Variants in VPS8 observed in about 807,000 individuals in gnomAD.
VPS8 encodes the protein VPS8 subunit of CORVET complex, also known as vacuolar protein sorting-associated protein 8 homolog.
A neutral mutation model predicts 216.4 loss-of-function variants in VPS8; 129 were observed. That is an observed-to-expected ratio of 0.60 (90% confidence interval 0.52 to 0.69). VPS8 has a LOEUF of 0.69. Among genes scored for constraint, VPS8 ranks in the 30% least tolerant of loss-of-function variants. VPS8 has a pLI of 0.00. For synonymous variants in VPS8, 571 were observed against 565.4 expected (o/e 1.01, Z -0.14); for missense variants, 1,531 against 1,683.5 (o/e 0.91, Z 1.59).
intron 46 of VPS8, among the ~76,000 whole-genome samples, chr3:185,042,415 C>T (rs920439826): frequency 4.6e-5 from 7 of 152,068 alleles, no homozygotes; most frequent in South Asian, 2.1e-4. Flanking sequence ...AAAAGGAAAA[C>T]GTAATTATGG....
chr3:184,958,636 G>A lies in VPS8; in HGVS notation c.3183+1115G>A, dbSNP rs1287987547. Among the ~76,000 whole-genome samples, 4 of 152,148 alleles carry A rather than the reference G, an allele frequency of 2.6e-5. No individual in the cohort carries two copies. The South Asian group carries it at 6.2e-4, about 24-fold the overall frequency. ...TCAAGTTGTCTAGCTTTAGTGTGCA[G>A]AGCTTCAGGAAAAGCAGTTTTAATT... On this transcript the variant is annotated intron_variant, in intron 37 of 47. Coordinates refer to ENST00000625842, the MANE Select transcript of VPS8 (RefSeq NM_001009921.3).
chr3:184,818,091 G>A (rs889711308), intron 1 of VPS8, among the ~76,000 whole-genome samples: 3 of 152,028 alleles, frequency 2.0e-5, no homozygotes, highest in African/African-American at 7.3e-5. Context: ...AAGGGAAAGT[G>A]GAAGCTATTC....
At chr3:185,048,598 T>A in intron 47 of VPS8, 39 bp downstream of exon 47, 1 of 1,608,190 alleles carries the variant, frequency 6.2e-7, no homozygotes, top group Non-Finnish European at 8.5e-7. Flanking sequence ...TATTTCCCTA[T>A]TTATAGTTTA....
intron 22 of VPS8, among the ~76,000 whole-genome samples, chr3:184,886,639 G>C (rs1208236842): frequency 6.6e-6 from 1 of 151,624 alleles, no homozygotes; most frequent in African/African-American, 2.4e-5. Context: ...GAGTGCAATG[G>C]TGCGATCTCA....
intron 5 of VPS8, among the ~76,000 whole-genome samples, chr3:184,835,970 AAGTGCT>A (rs1721008356): frequency 6.6e-6 from 1 of 151,994 alleles, no homozygotes; most frequent in Non-Finnish European, 1.5e-5. Context: ...CAGCCTCCCA[AAGTGCT>A]AGGATTACAG....
intron 36 of VPS8, among the ~76,000 whole-genome samples, chr3:184,952,185 G>T (rs949442805): frequency 6.6e-6 from 1 of 152,200 alleles, no homozygotes; most frequent in Non-Finnish European, 1.5e-5. Context: ...TGAATGTGGG[G>T]AAACATTGGT....
chr3:184,850,595 A>T (rs1316041483), intron 10 of VPS8, among the ~76,000 whole-genome samples: 1 of 152,248 alleles, frequency 6.6e-6, no homozygotes, highest in African/African-American at 2.4e-5. Flanking sequence ...GGCCTGAAAA[A>T]ATAAACTGAC....
At chr3:184,976,372 C>T (rs1234475803) in intron 40 of VPS8, among the ~76,000 whole-genome samples, 1 of 151,408 alleles carries the variant, frequency 6.6e-6, no homozygotes, top group Non-Finnish European at 1.5e-5. Context: ...GATTGGCAGC[C>T]TGTATTTGGA....
chr3:184,814,852 T>C (rs566976388), intron 1 of VPS8, among the ~76,000 whole-genome samples: 3 of 152,388 alleles, frequency 2.0e-5, no homozygotes, highest in African/African-American at 7.2e-5. Context: ...TAATGTAACT[T>C]TTATGTTATA....
chr3:184,897,003 A>G (rs930511165), intron 23 of VPS8, among the ~76,000 whole-genome samples: 5 of 152,234 alleles, frequency 3.3e-5, no homozygotes, highest in African/African-American at 1.2e-4. Flanking sequence ...TTAAAAAAAA[A>G]GGATTTTTGT....
At chr3:184,868,329 G>A (rs1560456676) in intron 18 of VPS8, 4 of 370,076 alleles carry the variant, frequency 1.1e-5, no homozygotes, top group African/African-American at 2.1e-5. Context: ...TAGGTGGTCC[G>A]CAGCTCTTGT....
intron 46 of VPS8, among the ~76,000 whole-genome samples, chr3:185,025,188 G>A (rs977362203): frequency 1.3e-5 from 2 of 152,108 alleles, no homozygotes; most frequent in African/African-American, 2.4e-5. Context: ...TATGACTGAC[G>A]GTTTTACACC....
At chr3:185,005,980 G>C (rs1181875923) in intron 45 of VPS8, among the ~76,000 whole-genome samples, 1 of 135,216 alleles carries the variant, frequency 7.4e-6, no homozygotes, top group African/African-American at 2.8e-5. Context: ...CAGTTCTCAG[G>C]GGAAACCATT....
chr3:184,925,575 T>G (rs1238220714), intron 30 of VPS8, among the ~76,000 whole-genome samples: 1 of 152,150 alleles, frequency 6.6e-6, no homozygotes, highest in Non-Finnish European at 1.5e-5. Flanking sequence ...CTGGAGAGAT[T>G]AAGTAATTCA....
At chr3:185,003,132 T>C (rs1350035271) in intron 45 of VPS8, among the ~76,000 whole-genome samples, 2 of 131,852 alleles carry the variant, frequency 1.5e-5, no homozygotes, top group African/African-American at 5.6e-5. Context: ...ATTTTTATTT[T>C]TATTTTTATT....
chr3:184,996,482 G>A lies in VPS8; in HGVS notation c.3817G>A (p.Asp1273Asn), dbSNP rs1336889194. 1.2e-6 allele frequency: 2 copies of A among 1,606,422 alleles called. No homozygotes were observed. The highest frequency in any genetic ancestry group is 1.7e-5 in the Admixed American group (1 of 57,996). The change falls in exon 44 of 48, where the codon GAT becomes AAT. Residue 1273 changes from aspartate (D) to asparagine (N), a missense_variant. Physicochemically the swap from Asp to Asn is conservative, Grantham distance 23. Coordinates refer to ENST00000625842, the MANE Select transcript of VPS8 (RefSeq NM_001009921.3). ...QQYKRRQEMADEIIVFSCGHL... is the reference protein window; with the variant it reads ...QQYKRRQEMANEIIVFSCGHL... ...GTACAAGAGACGCCAAGAAATGGCTGATGAAATAATTGTCTTTAGGTAAGA... is the reference window on the plus strand; with the variant it reads ...GTACAAGAGACGCCAAGAAATGGCTAATGAAATAATTGTCTTTAGGTAAGA...
intron 36 of VPS8, among the ~76,000 whole-genome samples, chr3:184,949,074 G>A (rs527441698): frequency 2.2e-4 from 34 of 152,316 alleles, no homozygotes; most frequent in African/African-American, 8.2e-4. Flanking sequence ...AGGAGGCTGA[G>A]ATGGGTAGAT....
intron 22 of VPS8, among the ~76,000 whole-genome samples, chr3:184,888,974 A>G (rs183241281): frequency 2.2e-4 from 33 of 152,326 alleles, no homozygotes; most frequent in Middle Eastern, 3.4e-3. Context: ...AACAGTTGTA[A>G]GATGAAAGAT....
intron 21 of VPS8, among the ~76,000 whole-genome samples, chr3:184,882,698 A>G (rs1019835015): frequency 6.6e-6 from 1 of 152,086 alleles, no homozygotes; most frequent in African/African-American, 2.4e-5. Flanking sequence ...ATGGAGATTT[A>G]TTTTTGGGGG....
Sources: allele counts gnomAD v4.1 joint callset (sites outside exome capture counted in the v4.1 genomes callset), GRCh38; gene constraint gnomAD v4.1.1; transcripts MANE v1.5; gene names NCBI Gene and HGNC (gene_info 2026-07-23, HGNC 2026-07-21).